Variants in PTPN18 observed in about 807,000 individuals in gnomAD.
The protein encoded by PTPN18 is tyrosine-protein phosphatase non-receptor type 18.
Under a neutral mutation model 65.4 loss-of-function variants are expected in PTPN18, and 65 were observed. That is an observed-to-expected ratio of 0.99 (90% CI 0.81 to 1.22). The LOEUF (loss-of-function observed/expected upper bound fraction) is 1.22. Among genes scored for constraint, PTPN18 ranks in the 50% most tolerant of loss-of-function variants. The probability of loss-of-function intolerance (pLI) is 0.00; values close to 1 mark genes in which losing one functional copy is unlikely to be tolerated. For synonymous variants in PTPN18, 255 were observed against 267.8 expected (o/e 0.95, Z 0.47); for missense variants, 616 against 646.5 (o/e 0.95, Z 0.51).
intron 8 of PTPN18, 163 bp downstream of exon 8, chr2:130,370,353 A>T (rs1408386710): frequency 5.0e-6 from 6 of 1,190,616 alleles, no homozygotes; most frequent in Non-Finnish European, 7.1e-6. Context: ...GCACAGACTC[A>T]GCTGGGGAAT....
At chr2:130,362,097 G>A in intron 5 of PTPN18, 2 of 469,286 alleles carry the variant, frequency 4.3e-6, no homozygotes, top group Admixed American at 4.7e-5. Flanking sequence ...CCTCCCTGAG[G>A]AGTTGGGACT....
At position 130,358,887 on chromosome 2, in the gene PTPN18, C is replaced by T. The variant is rs774664844; in HGVS notation, c.114C>T (p.Ala38=). Residue 38 remains alanine (A), a synonymous_variant, in exon 2 of 15, where the codon GCC becomes GCT. Transcript: ENST00000175756. ...GEFSDIQACS[A]AWKADGVCST... ...ACCAGGACATCCAGGCCTGCTCGGCCGCCTGGAAGGCTGACGGCGTGTGCT... is the reference window on the plus strand; with the variant it reads ...ACCAGGACATCCAGGCCTGCTCGGCTGCCTGGAAGGCTGACGGCGTGTGCT... 8.7e-6 allele frequency: 14 copies of T among 1,613,392 alleles called. No individual in the cohort carries two copies. The highest frequency in any genetic ancestry group is 5.3e-5 in the African/African-American group (4 of 74,930).
chr2:130,361,112 C>A (rs1451812259), intron 5 of PTPN18, among the ~76,000 whole-genome samples: 1 of 152,126 alleles, frequency 6.6e-6, no homozygotes, highest in Non-Finnish European at 1.5e-5. Flanking sequence ...TTTAAAAAGA[C>A]ACTTTTATAT....
chr2:130,367,009 A>C (rs570388281), intron 5 of PTPN18, among the ~76,000 whole-genome samples: 1 of 149,878 alleles, frequency 6.7e-6, no homozygotes, highest in African/African-American at 2.5e-5. Flanking sequence ...TTTTTTTTAG[A>C]TACAGGCTAG....
intron 5 of PTPN18, among the ~76,000 whole-genome samples, chr2:130,365,407 T>G (rs1197884547): frequency 1.3e-5 from 2 of 152,248 alleles, no homozygotes; most frequent in East Asian, 3.8e-4. Flanking sequence ...TGTCTATTCA[T>G]GTCATTTATT....
chr2:130,371,924 TAAG>T, intron 12 of PTPN18: 1 of 293,132 alleles, frequency 3.4e-6, no homozygotes, highest in Non-Finnish European at 6.4e-6. Context: ...AGCGGAGACT[TAAG>T]GCCCTTGTCC....
chr2:130,369,417 T>C (rs906406394), intron 6 of PTPN18, among the ~76,000 whole-genome samples: 16 of 152,224 alleles, frequency 1.1e-4, no homozygotes, highest in African/African-American at 3.6e-4. Flanking sequence ...CCTGGTTAGG[T>C]TGTTGAAATT....
chr2:130,359,803 G>A, intron 5 of PTPN18, 157 bp downstream of exon 5: 1 of 912,210 alleles, frequency 1.1e-6, no homozygotes, highest in South Asian at 1.6e-5. Context: ...AGTTTTTGTT[G>A]ATATGTTATT....
rs548585010 is a variant in PTPN18, at chr2:130,374,017, G to A, written c.*793G>A. ...GGCTGGCTGACAGACCTTCTGGCCA[G>A]ACAGACTCCTAACCAACCAGATGGA... On this transcript the variant is annotated 3_prime_UTR_variant, in exon 15 of 15. Transcript: ENST00000175756. The A allele has an allele frequency of 1.3e-5, 2 of 152,796 alleles. No homozygotes were observed. Among genetic ancestry groups the A allele is most frequent in the Non-Finnish European group, 2.9e-5 (2 of 68,574 alleles). The allele number at this position is 152,796 out of a possible 1,614,324, so 9.5% of individuals were successfully genotyped here.
At position 130,374,791 on chromosome 2, in the gene PTPN18, T is replaced by C; in HGVS notation, c.*1567T>C. 1 of 443,668 alleles carries C rather than the reference T, an allele frequency of 2.3e-6. No individual in the cohort carries two copies. Among genetic ancestry groups the C allele is most frequent in the South Asian group, 1.6e-5 (1 of 63,456 alleles). The allele number at this position is 443,668 out of a possible 1,614,324, so 27.5% of individuals were successfully genotyped here. A position where few individuals can be genotyped will look rare whatever the true frequency, so the allele number is the denominator to read the frequency against. ...GATAGGGCTGGCCTTCCTCTGCCTC[T>C]GCCTGGCTGCATCCATGGTCGATCT... On this transcript the variant is annotated 3_prime_UTR_variant, in exon 15 of 15. Transcript: ENST00000175756.
chr2:130,371,455 A>G (rs367754276), intron 12 of PTPN18, 168 bp downstream of exon 12: 1 of 633,820 alleles, frequency 1.6e-6, no homozygotes. Flanking sequence ...TTATCCCAAG[A>G]TGATTCATTT....
At chr2:130,370,482 C>G in intron 8 of PTPN18, 75 bp from the exon 9 acceptor site, 1 of 1,541,236 alleles carries the variant, frequency 6.5e-7, no homozygotes, top group Admixed American at 1.7e-5. Context: ...GGACCCTCAC[C>G]CCCATCCCCA....
intron 13 of PTPN18, 102 bp downstream of exon 13, chr2:130,372,585 C>G: frequency 7.5e-7 from 1 of 1,334,814 alleles, no homozygotes. Context: ...CGCGGGGACC[C>G]CAGCCGCTAG....
rs200349407 is a variant in PTPN18, at chr2:130,370,618, A to G, written c.751A>G (p.Thr251Ala). 8.7e-5 allele frequency: 141 copies of G among 1,614,086 alleles called. No homozygotes were observed. The East Asian group carries it at 2.3e-3, about 26-fold the overall frequency. ...GGATTATGTGAGGCAGCTGCTCCTG[A>G]CCCAGGTACGATACAGGCATCCTGT... ...TVDYVRQLLLTQMIPPDFSLF... is the reference protein window; with the variant it reads ...TVDYVRQLLLAQMIPPDFSLF... Residue 251 changes from threonine to alanine, a missense_variant, in exon 9 of 15, where the codon ACC becomes GCC. Transcript: ENST00000175756.
Position 130,361,588 on chromosome 2 carries a change from T to TCTTTC in PTPN18, c.414+1943_414+1947dup, listed in dbSNP as rs1463838568. On this transcript the variant is annotated intron_variant, in intron 5 of 14. Coordinates refer to ENST00000175756, the MANE Select transcript of PTPN18 (RefSeq NM_014369.4). The stretch of plus-strand genomic sequence containing the variant: ...TTTCCTTTCTTTCCTTTCTTTCCTT[T>TCTTTC]CTTTCTTTCTGTTTTTTTGAGATGC... Among the ~76,000 whole-genome samples, 4 of 149,982 alleles carry TCTTTC rather than the reference T, an allele frequency of 2.7e-5. No homozygotes were observed. The East Asian group carries it at 7.9e-4, about 30-fold the overall frequency.
rs1680495513 is a variant in PTPN18 at position 130,369,802 on chromosome 2, G to A, written c.521G>A (p.Arg174Lys). 1 of 1,604,818 alleles carries A rather than the reference G, an allele frequency of 6.2e-7. No homozygotes were observed. Among genetic ancestry groups the A allele is most frequent in the Non-Finnish European group, 8.5e-7 (1 of 1,171,966 alleles). Reference sequence around the variant, plus strand: ...TGGCTGAATGAGGACATCATGCTCAGGACCCTCAAGGTCACATTCCAGAAG... The same window carrying A: ...TGGCTGAATGAGGACATCATGCTCAAGACCCTCAAGGTCACATTCCAGAAG... ...EKWLNEDIML[R>K]TLKVTFQKES... The change falls in exon 7 of 15, where the codon AGG becomes AAG. Residue 174 changes from arginine to lysine, a missense_variant. Physicochemically the swap from Arg to Lys is conservative, Grantham distance 26 (BLOSUM62 2). This residue lies in a region of PTPN18 where 25 missense variants were observed against 49.8 expected (regional missense o/e 0.50). Coordinates refer to ENST00000175756, the MANE Select transcript of PTPN18 (RefSeq NM_014369.4).
At chr2:130,359,740 A>G (rs1412713297) in intron 5 of PTPN18, 94 bp downstream of exon 5, 1 of 1,414,204 alleles carries the variant, frequency 7.1e-7, no homozygotes, top group Non-Finnish European at 9.9e-7. Context: ...CCGAGGGTCC[A>G]GCTCTTGGAG....
chr2:130,356,315 G>C (rs1322528929), intron 1 of PTPN18, 115 bp downstream of exon 1: 2 of 690,460 alleles, frequency 2.9e-6, no homozygotes, highest in East Asian at 3.6e-5. Context: ...GTGTCTCCCC[G>C]CCTCGGGGGG....
In PTPN18 at chr2:130,356,192, G is replaced by T. The variant is rs1679963667; in HGVS notation, c.85G>T (p.Glu29Ter). ...GGREGAVLAG[E>*]FSDIQACSAA... ...CCGGGAGGGGGCAGTCCTCGCCGGC[G>T]AGTTCAGCGTGAGTGGCACACGGGG... The change falls in exon 1 of 15, where the codon GAG becomes TAG. Residue 29 changes from glutamate to a stop codon, truncating the protein, a stop_gained. Coordinates refer to ENST00000175756, the MANE Select transcript of PTPN18 (RefSeq NM_014369.4). LOFTEE classifies it high-confidence loss of function. 1 of 1,314,574 alleles carries T rather than the reference G, an allele frequency of 7.6e-7. No individual in the cohort carries two copies. The highest frequency in any genetic ancestry group is 9.7e-7 in the Non-Finnish European group (1 of 1,034,486). The allele number at this position is 1,314,574 out of a possible 1,614,324, so 81.4% of individuals were successfully genotyped here.
Sources: gnomAD v4.1 joint callset for allele counts (sites outside exome capture counted in the v4.1 genomes callset) on GRCh38, gnomAD v4.1.1 for gene constraint, gnomAD v4.1.1 regional missense constraint, MANE v1.5 for transcripts, NCBI Gene and HGNC (gene_info 2026-07-23, HGNC 2026-07-21) for gene names.